RSPO4: variants seen among roughly 807,000 people sequenced by gnomAD.
RSPO4 encodes the protein R-spondin 4, also known as R-spondin-4.
Under a neutral mutation model 24.8 loss-of-function variants are expected in RSPO4, and 23 were observed. The observed-to-expected ratio is 0.93, with a 90% CI of 0.67 to 1.31. RSPO4 has a LOEUF of 1.31. Among genes scored for constraint, RSPO4 ranks in the 40% most tolerant of loss-of-function variants. The pLI, the probability that RSPO4 is intolerant of heterozygous loss-of-function variation, is 0.00. For synonymous variants in RSPO4, 141 were observed against 127.4 expected (o/e 1.11, Z -0.72); for missense variants, 333 against 316.5 (o/e 1.05, Z -0.39).
At chr20:996,126 T>C (rs1439591361) in intron 1 of RSPO4, among the ~76,000 whole-genome samples, 2 of 147,850 alleles carry the variant, frequency 1.4e-5, no homozygotes, top group Non-Finnish European at 2.9e-5. Context: ...AGATTGTATG[T>C]GGTTTGCAAG....
intron 1 of RSPO4, among the ~76,000 whole-genome samples, chr20:972,725 T>A (rs1984445692): frequency 6.6e-6 from 1 of 152,170 alleles, no homozygotes; most frequent in Non-Finnish European, 1.5e-5. Flanking sequence ...ACACATTGAC[T>A]GATGATGTCG....
chr20:985,456 A>T (rs1357072412), intron 1 of RSPO4, among the ~76,000 whole-genome samples: 1 of 152,260 alleles, frequency 6.6e-6, no homozygotes, highest in Non-Finnish European at 1.5e-5. Flanking sequence ...TTTTAGAAAG[A>T]CATACAAAAT....
chr20:992,592 G>T (rs1985145978), intron 1 of RSPO4, among the ~76,000 whole-genome samples: 1 of 152,034 alleles, frequency 6.6e-6, no homozygotes, highest in African/African-American at 2.4e-5. Flanking sequence ...TCTTCCAGGG[G>T]CGTCACATGC....
At chr20:973,537 G>A (rs1163438686) in intron 1 of RSPO4, among the ~76,000 whole-genome samples, 1 of 152,078 alleles carries the variant, frequency 6.6e-6, no homozygotes, top group African/African-American at 2.4e-5. Flanking sequence ...GTAGTGGTGC[G>A]ATCTCAGCTC....
intron 1 of RSPO4, among the ~76,000 whole-genome samples, chr20:997,256 G>A (rs1568934571): frequency 6.6e-6 from 1 of 152,194 alleles, no homozygotes; most frequent in Non-Finnish European, 1.5e-5. Context: ...TGGGCAGGGG[G>A]GTTGGATGGT....
At chr20:995,690 A>C (rs943970799) in intron 1 of RSPO4, among the ~76,000 whole-genome samples, 1 of 152,134 alleles carries the variant, frequency 6.6e-6, no homozygotes, top group Non-Finnish European at 1.5e-5. Context: ...CTGTTGCTAT[A>C]CCACCCACTG....
At chr20:983,454 G>T (rs1984805825) in intron 1 of RSPO4, among the ~76,000 whole-genome samples, 1 of 152,190 alleles carries the variant, frequency 6.6e-6, no homozygotes. Flanking sequence ...TGGGGGTGAG[G>T]GTGAGCATCT....
chr20:969,903 C>A (rs917384567), intron 1 of RSPO4, among the ~76,000 whole-genome samples: 1 of 152,154 alleles, frequency 6.6e-6, no homozygotes, highest in Non-Finnish European at 1.5e-5. Flanking sequence ...CGGTTATACA[C>A]CTTGATTCAC....
chr20:967,954 G>C lies in RSPO4; in HGVS notation c.264C>G (p.Cys88Trp). The change falls in exon 2 of 5, where the codon TGC becomes TGG. Residue 88 changes from cysteine to tryptophan, a missense_variant. Cys to Trp is a radical substitution (Grantham distance 215, BLOSUM62 -2). Transcript: ENST00000217260. ...FGIRGQEVNR[C>W]KKCGATCESC... ...AACAAGGGAGAAGCCACGTACTTTT[G>C]CACCTGTTGACCTCCTGGCCGCGGA... 6.2e-7 allele frequency: 1 copy of C among 1,614,186 alleles called. No homozygotes were observed. The highest frequency in any genetic ancestry group is 1.1e-5 in the South Asian group (1 of 91,082).
At chr20:1,001,047 A>G (rs1342117460) in intron 1 of RSPO4, among the ~76,000 whole-genome samples, 1 of 152,230 alleles carries the variant, frequency 6.6e-6, no homozygotes, top group African/African-American at 2.4e-5. Context: ...AGGGCTGGAA[A>G]GAGAGAAGAC....
chr20:979,110 C>T (rs573517576), intron 1 of RSPO4, among the ~76,000 whole-genome samples: 4 of 152,204 alleles, frequency 2.6e-5, no homozygotes, highest in South Asian at 2.1e-4. Flanking sequence ...ATCAGGAATC[C>T]GGTCAGTTCC....
chr20:999,350 A>G (rs1985392883), intron 1 of RSPO4, among the ~76,000 whole-genome samples: 1 of 152,144 alleles, frequency 6.6e-6, no homozygotes, highest in South Asian at 2.1e-4. Context: ...GCATGCTCTG[A>G]TAAGTCTCAC....
chr20:960,425 G>A lies in RSPO4; in HGVS notation c.637C>T (p.Pro213Ser), dbSNP rs1320770676. 6.5e-7 allele frequency: 1 copy of A among 1,539,792 alleles called. No individual in the cohort carries two copies. The highest frequency in any genetic ancestry group is 8.7e-7 in the Non-Finnish European group (1 of 1,147,454). Residue 213 changes from proline (P) to serine (S), a missense_variant, in exon 5 of 5, where the codon CCA (proline) becomes TCA (serine). By Grantham distance (74) the Pro-to-Ser change is moderately conservative. Coordinates refer to ENST00000217260, the MANE Select transcript of RSPO4 (RefSeq NM_001029871.4). ...CGGTCCAGCTTCCTGTCCTTGCGTGGGCGCCGGTCCTTCCTGCCCTTCTTC... is the reference window on the plus strand; with the variant it reads ...CGGTCCAGCTTCCTGTCCTTGCGTGAGCGCCGGTCCTTCCTGCCCTTCTTC... Reference protein sequence around the residue: ...GQKKGRKDRRPRKDRKLDRRL... With the variant: ...GQKKGRKDRRSRKDRKLDRRL...
At chr20:999,095 T>C (rs531786933) in intron 1 of RSPO4, among the ~76,000 whole-genome samples, 64 of 151,600 alleles carry the variant, frequency 4.2e-4, no homozygotes, top group Non-Finnish European at 5.0e-4. Flanking sequence ...GCTGAAGCGA[T>C]CCTCCCACTT....
chr20:968,007 G>T lies in RSPO4; in HGVS notation c.211C>A (p.His71Asn), dbSNP rs773450068. Residue 71 changes from histidine (H) to asparagine (N), a missense_variant, in exon 2 of 5, where the codon CAC becomes AAC. By Grantham distance (68) the His-to-Asn change is moderately conservative. Transcript: ENST00000217260. ...EGIRQYGKCL[H>N]DCPPGYFGIR... ...CCGAAGTACCCAGGGGGACAGTCGT[G>T]CAGGCACTTGCCGTACTGGCGGATG... 1.2e-6 allele frequency: 2 copies of T among 1,614,132 alleles called. No homozygotes were observed. Among genetic ancestry groups the T allele is most frequent in the African/African-American group, 2.7e-5 (2 of 74,956 alleles).
At chr20:960,733 G>T (rs759770194) in intron 4 of RSPO4, among the ~76,000 whole-genome samples, 3 of 152,184 alleles carry the variant, frequency 2.0e-5, no homozygotes, top group Non-Finnish European at 4.4e-5. Flanking sequence ...CATCTGGCTC[G>T]GCCAGGCCTG....
At chr20:968,837 G>T (rs777810676) in intron 1 of RSPO4, among the ~76,000 whole-genome samples, 1 of 152,188 alleles carries the variant, frequency 6.6e-6, no homozygotes, top group Non-Finnish European at 1.5e-5. Context: ...TTTTTAAGGA[G>T]AAAATTTTTT....
intron 1 of RSPO4, among the ~76,000 whole-genome samples, chr20:998,607 T>C (rs1956134135): frequency 6.6e-6 from 1 of 152,048 alleles, no homozygotes; most frequent in Non-Finnish European, 1.5e-5. Context: ...CAGCACCTCA[T>C]TCCTCGGGAT....
At chr20:983,536 AC>A (rs1984809096) in intron 1 of RSPO4, among the ~76,000 whole-genome samples, 1 of 152,074 alleles carries the variant, frequency 6.6e-6, no homozygotes, top group South Asian at 2.1e-4. Flanking sequence ...CCCCTAAGGA[AC>A]CTTTGAACCC....
Sources: allele counts gnomAD v4.1 joint callset (sites outside exome capture counted in the v4.1 genomes callset), GRCh38; gene constraint gnomAD v4.1.1; transcripts MANE v1.5; gene names NCBI Gene and HGNC (gene_info 2026-07-23, HGNC 2026-07-21).